The following PICALM variants were observed in gnomAD, a reference collection of about 807,000 sequenced individuals.
PICALM encodes the protein phosphatidylinositol-binding clathrin assembly protein.
Under a neutral mutation model 80.5 loss-of-function variants are expected in PICALM, and 40 were observed. That is an observed-to-expected ratio of 0.50 (90% CI 0.39 to 0.65). The LOEUF (loss-of-function observed/expected upper bound fraction) is 0.65, where lower values mean the gene tolerates loss of function less well. Among genes scored for constraint, PICALM ranks in the 30% least tolerant of loss-of-function variants. The pLI, the probability that PICALM is intolerant of heterozygous loss-of-function variation, is 0.00. For missense variants in PICALM, 676 were observed against 778.9 expected (o/e 0.87, Z 1.57); for synonymous variants, 288 against 260.3 (o/e 1.11, Z -1.02).
intron 4 of PICALM, among the ~76,000 whole-genome samples, chr11:86,019,499 CA>C (rs2095532508): frequency 1.3e-5 from 2 of 152,120 alleles, no homozygotes; most frequent in South Asian, 4.1e-4. Context: ...CAAATTAGAA[CA>C]AAAGTTACCA....
chr11:86,036,122 A>C (rs1195977224), intron 1 of PICALM, among the ~76,000 whole-genome samples: 2 of 152,216 alleles, frequency 1.3e-5, no homozygotes, highest in African/African-American at 2.4e-5. Context: ...ACAGAGGATA[A>C]GGAACTTTTA....
intron 13 of PICALM, among the ~76,000 whole-genome samples, chr11:85,986,636 C>T (rs1184385048): frequency 4.6e-5 from 7 of 151,262 alleles, no homozygotes; most frequent in East Asian, 1.9e-4. Context: ...ATGATCCACC[C>T]GCCTCGGCCT....
intron 4 of PICALM, among the ~76,000 whole-genome samples, chr11:86,017,400 T>C (rs182554415): frequency 1.3e-5 from 2 of 152,288 alleles, no homozygotes; most frequent in South Asian, 2.1e-4. Flanking sequence ...AAGATAATGA[T>C]TTTGATCACC....
At chr11:86,052,695 G>A (rs1053752293) in intron 1 of PICALM, among the ~76,000 whole-genome samples, 2 of 152,136 alleles carry the variant, frequency 1.3e-5, no homozygotes, top group Non-Finnish European at 2.9e-5. Context: ...CAGATAAAGT[G>A]TAATTTTGAA....
At chr11:85,970,645 G>GT in intron 19 of PICALM, among the ~76,000 whole-genome samples, 1 of 152,130 alleles carries the variant, frequency 6.6e-6, no homozygotes, top group Non-Finnish European at 1.5e-5. Context: ...GTGAAACCCT[G>GT]TCTCTACTAA....
At chr11:86,036,626 TA>T (rs2095846580) in intron 1 of PICALM, among the ~76,000 whole-genome samples, 1 of 152,170 alleles carries the variant, frequency 6.6e-6, no homozygotes, top group South Asian at 2.1e-4. Flanking sequence ...ATTCATAATT[TA>T]AGTGGACATA....
Position 85,958,185 on chromosome 11 carries a change from T to G in PICALM, c.*861A>C. The G allele has an allele frequency of 4.5e-6, 1 of 224,494 alleles. No homozygotes were observed. The highest frequency in any genetic ancestry group is 8.9e-6 in the Non-Finnish European group (1 of 112,200). The allele number at this position is 224,494 out of a possible 1,614,324, so 13.9% of individuals were successfully genotyped here. ...GTAAAGATCCTTCCCAATGCACTAA[T>G]GCTGAATTTAAAATGTAGTGCTTTT... On this transcript the variant is annotated 3_prime_UTR_variant, in exon 20 of 20. Coordinates refer to ENST00000393346, the MANE Select transcript of PICALM (RefSeq NM_007166.4).
At chr11:86,006,364 G>C (rs2095276837) in intron 8 of PICALM, among the ~76,000 whole-genome samples, 1 of 152,134 alleles carries the variant, frequency 6.6e-6, no homozygotes, top group African/African-American at 2.4e-5. Flanking sequence ...AGATGTACTG[G>C]AAGCTGGGTG....
intron 14 of PICALM, 161 bp from the exon 15 acceptor site, chr11:85,982,164 C>T (rs1158737060): frequency 1.6e-6 from 1 of 607,586 alleles, no homozygotes; most frequent in Non-Finnish European, 2.9e-6. Flanking sequence ...AAGAAAGTCA[C>T]CACTTCATAC....
At chr11:86,018,625 A>T (rs2095517096) in intron 4 of PICALM, among the ~76,000 whole-genome samples, 1 of 152,216 alleles carries the variant, frequency 6.6e-6, no homozygotes, top group Non-Finnish European at 1.5e-5. Flanking sequence ...GAGGTGGCTC[A>T]TGCCTGTAAT....
chr11:85,963,692 G>A (rs76978011), intron 19 of PICALM, among the ~76,000 whole-genome samples: 50 of 152,124 alleles, frequency 3.3e-4, no homozygotes, highest in East Asian at 1.7e-3. Context: ...GAAAAAATAC[G>A]GTAAAATGTT....
At chr11:85,981,555 C>T (rs938704854) in intron 16 of PICALM, among the ~76,000 whole-genome samples, 190 bp downstream of exon 16, 8 of 150,602 alleles carry the variant, frequency 5.3e-5, no homozygotes, top group African/African-American at 1.5e-4. Flanking sequence ...TGCAGTGGGC[C>T]GAGATTGCGC....
chr11:85,962,531 G>A (rs971812614), intron 19 of PICALM, among the ~76,000 whole-genome samples: 1 of 152,196 alleles, frequency 6.6e-6, no homozygotes, highest in African/African-American at 2.4e-5. Context: ...GAATACGGAA[G>A]AGACAAATCT....
intron 2 of PICALM, among the ~76,000 whole-genome samples, chr11:86,027,373 A>G (rs2095665209): frequency 6.6e-6 from 1 of 152,152 alleles, no homozygotes. Flanking sequence ...TACAGCCTCT[A>G]AATAGCTAAA....
intron 19 of PICALM, among the ~76,000 whole-genome samples, chr11:85,963,593 C>A (rs528435709): frequency 6.6e-6 from 1 of 152,096 alleles, no homozygotes; most frequent in Admixed American, 6.5e-5. Context: ...AGAAGAGCAG[C>A]GTATAAATAT....
At position 86,001,277 on chromosome 11, in the gene PICALM, C is replaced by T. The variant is rs1008949480; in HGVS notation, c.894-119G>A. 1.7e-5 allele frequency: 15 copies of T among 907,720 alleles called. No homozygotes were observed. In the South Asian group the frequency reaches 2.1e-4, roughly 13 times the overall value. 56.2% of individuals were successfully genotyped at this position (907,720 alleles called of 1,614,324 possible). A position where few individuals can be genotyped will look rare whatever the true frequency, so the allele number is the denominator to read the frequency against. On this transcript the variant is annotated intron_variant, in intron 9 of 19. Transcript: ENST00000393346. Reference sequence around the variant, plus strand: ...GGCACTATAATTATAAACTTAACTTCTGGATTCAAATCCAGTACTTCAGAT... The same window carrying T: ...GGCACTATAATTATAAACTTAACTTTTGGATTCAAATCCAGTACTTCAGAT...
At chr11:86,007,438 T>C in intron 8 of PICALM, 104 bp downstream of exon 8, 1 of 677,502 alleles carries the variant, frequency 1.5e-6, no homozygotes, top group Non-Finnish European at 2.7e-6. Flanking sequence ...GGTCAAAAAC[T>C]GCATTGATCC....
chr11:85,987,499 G>C (rs2094609771), intron 13 of PICALM, among the ~76,000 whole-genome samples: 1 of 152,124 alleles, frequency 6.6e-6, no homozygotes, highest in Non-Finnish European at 1.5e-5. Flanking sequence ...CAAAAAAAGT[G>C]AATAATCTTT....
At chr11:85,961,585 A>G (rs775615902) in intron 19 of PICALM, among the ~76,000 whole-genome samples, 8 of 152,230 alleles carry the variant, frequency 5.3e-5, no homozygotes, top group Non-Finnish European at 1.0e-4. Context: ...ATTAATTTTC[A>G]TACATGTATC....
Sources: gnomAD v4.1 joint callset for allele counts (sites outside exome capture counted in the v4.1 genomes callset) on GRCh38, gnomAD v4.1.1 for gene constraint, MANE v1.5 for transcripts, NCBI Gene and HGNC (gene_info 2026-07-23, HGNC 2026-07-21) for gene names.